LRP2: variants seen among roughly 807,000 people sequenced by gnomAD.
LRP2 encodes the protein LDL receptor related protein 2.
A neutral mutation model predicts 531.0 loss-of-function variants in LRP2; 172 were observed. That is an observed-to-expected ratio of 0.32 (90% CI 0.29 to 0.37). LRP2 has a LOEUF of 0.37. Among genes scored for constraint, LRP2 ranks in the 10% least tolerant of loss-of-function variants. The pLI is 1.00. For synonymous variants in LRP2, 1,992 were observed against 2,027.6 expected (o/e 0.98, Z 0.47); for missense variants, 5,167 against 5,868.3 (o/e 0.88, Z 3.90).
At chr2:169,321,478 G>C (rs1306951971) in intron 1 of LRP2, among the ~76,000 whole-genome samples, 2 of 148,632 alleles carry the variant, frequency 1.3e-5, no homozygotes, top group Non-Finnish European at 3.0e-5. Context: ...AAAAAAAAGC[G>C]TAAAAAAGAC....
chr2:169,339,179 A>G (rs1311153010), intron 1 of LRP2, among the ~76,000 whole-genome samples: 1 of 151,808 alleles, frequency 6.6e-6, no homozygotes, highest in African/African-American at 2.4e-5. Flanking sequence ...TATATTCATC[A>G]TCTGCAACCC....
At chr2:169,150,647 G>A (rs1430876714) in intron 68 of LRP2, among the ~76,000 whole-genome samples, 3 of 152,150 alleles carry the variant, frequency 2.0e-5, no homozygotes, top group Admixed American at 6.5e-5. Flanking sequence ...TCAGAGCTCT[G>A]ATTTGGCAAG....
At position 169,309,544 on chromosome 2, in the gene LRP2, T is replaced by G. The variant is rs1345683724; in HGVS notation, c.311-2147A>C. On this transcript the variant is annotated intron_variant, in intron 3 of 78. Coordinates refer to ENST00000649046, the MANE Select transcript of LRP2 (RefSeq NM_004525.3). ...AGATCAGATGGTTGTAGATGTGTGG[T>G]ATTATTTCTGAGGGCTCTATTCTGT... is the stretch of plus-strand genomic sequence containing the variant. 2.6e-5 allele frequency among the ~76,000 whole-genome samples: 4 copies of G among 152,252 alleles called. No homozygotes were observed. The East Asian group carries it at 7.7e-4, about 29-fold the overall frequency.
In LRP2 at chr2:169,207,019, A is replaced by G. The variant is rs1342726493; in HGVS notation, c.6701T>C (p.Val2234Ala). The G allele has an allele frequency of 2.5e-6, 4 of 1,614,080 alleles. No homozygotes were observed. The highest frequency in any genetic ancestry group is 1.6e-4 in the Middle Eastern group (1 of 6,082). Residue 2234 changes from valine (V) to alanine (A), a missense_variant, in exon 39 of 79, where the codon GTC (valine) becomes GCC (alanine). By Grantham distance (64) the Val-to-Ala change is moderately conservative. This residue lies in a region of LRP2 where 2,811 missense variants were observed against 3,058.0 expected (regional missense o/e 0.92). Coordinates refer to ENST00000649046, the MANE Select transcript of LRP2 (RefSeq NM_004525.3). Reference sequence around the variant, plus strand: ...GTCCACTGCCAAGCCCCGTGGTGTGACAATGCCCTCTGACACAAGCACTGT... The same window carrying G: ...GTCCACTGCCAAGCCCCGTGGTGTGGCAATGCCCTCTGACACAAGCACTGT... ...NRTVLVSEGI[V>A]TPRGLAVDRS...
intron 49 of LRP2, 99 bp downstream of exon 49, chr2:169,187,871 G>A: frequency 1.6e-6 from 2 of 1,264,852 alleles, no homozygotes; most frequent in South Asian, 1.2e-5. Context: ...TGGTAACTTT[G>A]TAGTTAGAGG....
intron 31 of LRP2, among the ~76,000 whole-genome samples, chr2:169,230,715 T>C (rs958388425): frequency 6.6e-6 from 1 of 152,250 alleles, no homozygotes; most frequent in Admixed American, 6.5e-5. Context: ...GTGTATTATA[T>C]ACAAGTACAC....
At position 169,310,406 on chromosome 2, in the gene LRP2, A is replaced by T. The variant is rs538596840; in HGVS notation, c.311-3009T>A. ...ACCTAATTTATTGAGAGTTTTTAGC[A>T]TGAAGGGCTGTTGAATTTTGTCAAA... On this transcript the variant is annotated intron_variant, in intron 3 of 78. Transcript: ENST00000649046. 2.5e-4 allele frequency among the ~76,000 whole-genome samples: 38 copies of T among 152,302 alleles called. No individual in the cohort carries two copies. The South Asian group carries it at 7.7e-3, about 31-fold the overall frequency.
chr2:169,180,621 T>C (rs1278048637), intron 52 of LRP2, among the ~76,000 whole-genome samples: 2 of 152,176 alleles, frequency 1.3e-5, no homozygotes, highest in Admixed American at 6.5e-5. Flanking sequence ...CAAACTTTAC[T>C]ACACTGACTT....
intron 4 of LRP2, among the ~76,000 whole-genome samples, chr2:169,296,829 C>T (rs1684146124): frequency 6.6e-6 from 1 of 152,118 alleles, no homozygotes; most frequent in Non-Finnish European, 1.5e-5. Flanking sequence ...TGACAAGGCC[C>T]ATTCCCCACC....
At chr2:169,180,705 G>C (rs1687396939) in intron 52 of LRP2, among the ~76,000 whole-genome samples, 3 of 152,192 alleles carry the variant, frequency 2.0e-5, no homozygotes, top group Non-Finnish European at 1.5e-5. Context: ...TAGTTCTACT[G>C]AATGAATGGC....
At position 169,185,841 on chromosome 2, in the gene LRP2, A is replaced by C; in HGVS notation, c.9507T>G (p.Asn3169Lys). Residue 3169 changes from asparagine to lysine, a missense_variant, in exon 50 of 79, where the codon AAT becomes AAG. Physicochemically the swap from Asn to Lys is moderately conservative, Grantham distance 94. Coordinates refer to ENST00000649046, the MANE Select transcript of LRP2 (RefSeq NM_004525.3). The part of the protein sequence containing the change: ...MPFVCSQKCE[N>K]VIGSYICKCA... The stretch of plus-strand genomic sequence containing the variant: ...ACTTACAGATGTAGGAGCCTATTAC[A>C]TTCTCACACTTCTGGCTACAGACAA... 1 of 1,614,026 alleles carries C rather than the reference A, an allele frequency of 6.2e-7. No homozygotes were observed. The highest frequency in any genetic ancestry group is 8.5e-7 in the Non-Finnish European group (1 of 1,180,002).
intron 36 of LRP2, 88 bp from the exon 37 acceptor site, chr2:169,212,295 T>C: frequency 6.5e-7 from 1 of 1,545,754 alleles, no homozygotes; most frequent in Middle Eastern, 1.7e-4. Flanking sequence ...CACCAAATAA[T>C]TTATTCTAAA....
At chr2:169,297,776 C>A (rs746416257) in intron 4 of LRP2, among the ~76,000 whole-genome samples, 16 of 152,048 alleles carry the variant, frequency 1.1e-4, no homozygotes, top group Admixed American at 2.0e-4. Flanking sequence ...ATCTTGTAGA[C>A]CTCTTAGAAT....
intron 62 of LRP2, among the ~76,000 whole-genome samples, chr2:169,165,205 A>G (rs946071760): frequency 2.0e-5 from 3 of 152,212 alleles, no homozygotes; most frequent in Non-Finnish European, 4.4e-5. Flanking sequence ...TTTCCCAGAT[A>G]ATGTCTTTTT....
intron 26 of LRP2, 74 bp from the exon 27 acceptor site, chr2:169,238,376 T>C: frequency 1.9e-6 from 2 of 1,067,784 alleles, no homozygotes; most frequent in Non-Finnish European, 2.8e-6. Context: ...AAACTTTTGA[T>C]TCAATACTTT....
At chr2:169,137,576 CAAAG>C in intron 75 of LRP2, 83 bp from the exon 76 acceptor site, 2 of 687,402 alleles carry the variant, frequency 2.9e-6, no homozygotes, top group South Asian at 2.7e-5. Context: ...GGTTCACACA[CAAAG>C]AAAGGTGCCT....
At chr2:169,331,959 T>G (rs1417699675) in intron 1 of LRP2, among the ~76,000 whole-genome samples, 2 of 152,214 alleles carry the variant, frequency 1.3e-5, no homozygotes, top group Non-Finnish European at 2.9e-5. Flanking sequence ...CTTTCTTGCT[T>G]AAGGCTTTTG....
At chr2:169,216,182 C>T (rs1688780508) in intron 35 of LRP2, 71 bp downstream of exon 35, 1 of 1,508,828 alleles carries the variant, frequency 6.6e-7, no homozygotes, top group Non-Finnish European at 9.2e-7. Context: ...CACTGCCTGA[C>T]AGCTCAGAAC....
At chr2:169,138,456 A>G in intron 75 of LRP2, 121 bp downstream of exon 75, 1 of 1,066,194 alleles carries the variant, frequency 9.4e-7, no homozygotes. Flanking sequence ...TGTAGTGCAG[A>G]CCTTATTCTG....
Sources: allele counts gnomAD v4.1 joint callset (sites outside exome capture counted in the v4.1 genomes callset), GRCh38; gene constraint gnomAD v4.1.1; regional missense constraint gnomAD v4.1.1; transcripts MANE v1.5; gene names NCBI Gene and HGNC (gene_info 2026-07-23, HGNC 2026-07-21).